The following DACH1 variants were observed in gnomAD, a reference collection of about 807,000 sequenced individuals.
The protein encoded by DACH1 is dachshund homolog 1.
A neutral mutation model predicts 54.2 loss-of-function variants in DACH1; 12 were observed. The observed-to-expected ratio is 0.22, with a 90% CI of 0.14 to 0.36. The LOEUF (loss-of-function observed/expected upper bound fraction) is 0.36, where lower values mean the gene tolerates loss of function less well. Ranked by LOEUF, DACH1 falls within the 10% of genes least tolerant of loss-of-function variation. The pLI is 1.00. For synonymous variants in DACH1, 386 were observed against 366.2 expected, an observed-to-expected ratio of 1.05 and a Z score of -0.62; for missense variants, 805 against 929.8, an observed-to-expected ratio of 0.87 and a Z score of 1.75.
rs77145652 is a variant in DACH1, at chr13:71,635,514, T to C, written c.965-4797A>G. Among the ~76,000 whole-genome samples the C allele has an allele frequency of 2.2e-3, 338 of 152,306 alleles. 2 individuals carry two copies. Among genetic ancestry groups the C allele is most frequent in the Non-Finnish European group, 2.9e-3 (199 of 68,018 alleles). The stretch of plus-strand genomic sequence containing the variant: ...AAAAACAACAACAAAAAAATTCATG[T>C]AATAAATTCACAAAATAACTTAAGT... On this transcript the variant is annotated intron_variant, in intron 2 of 10. Transcript: ENST00000613252.
chr13:71,744,349 C>T lies in DACH1; in HGVS notation c.849-62439G>A, dbSNP rs77409657. On this transcript the variant is annotated intron_variant, in intron 1 of 10. Transcript: ENST00000613252. The stretch of plus-strand genomic sequence containing the variant: ...CATCTTCTGCATTGGTTAGCTTATG[C>T]CTGATACGGTTCAAGAAAGACATAC... Among the ~76,000 whole-genome samples the T allele has an allele frequency of 6.5e-3, 992 of 152,260 alleles. 13 individuals are homozygous for T. Among genetic ancestry groups the T allele is most frequent in the African/African-American group, 0.023 (936 of 41,542 alleles).
At chr13:71,548,762 C>T (rs887762406) in intron 6 of DACH1, among the ~76,000 whole-genome samples, 13 of 151,878 alleles carry the variant, frequency 8.6e-5, no homozygotes, top group African/African-American at 2.9e-4. Context: ...ACTAAAAATA[C>T]AAAAAGTAGC....
In DACH1 at chr13:71,817,814, C is replaced by CTTT. The variant is rs34031888; in HGVS notation, c.848+48105_848+48107dup. On this transcript the variant is annotated intron_variant, in intron 1 of 10. Transcript: ENST00000613252. ...ATTTTCTTTCTTTCTTTCTTTCTTCCTTTTTTTTTTTTTTTTTTGAGACAG... is the reference window on the plus strand; with the variant it reads ...ATTTTCTTTCTTTCTTTCTTTCTTCCTTTTTTTTTTTTTTTTTTTTTGAGACAG... Among the ~76,000 whole-genome samples the CTTT allele has an allele frequency of 5.1e-4, 61 of 119,052 alleles. 2 individuals carry two copies. Among genetic ancestry groups the CTTT allele is most frequent in the African/African-American group, 7.8e-4 (24 of 30,934 alleles). The allele number at this position is 119,052 out of a possible 152,430, so 78.1% of individuals were successfully genotyped here. A position where few individuals can be genotyped will look rare whatever the true frequency, so the allele number is the denominator to read the frequency against.
chr13:71,619,596 C>T (rs1240466834), intron 3 of DACH1, among the ~76,000 whole-genome samples: 1 of 151,748 alleles, frequency 6.6e-6, no homozygotes, highest in Non-Finnish European at 1.5e-5. Flanking sequence ...AGTGAAAAGA[C>T]AGTAGATATA....
At chr13:71,488,183 A>G (rs1322570162) in intron 7 of DACH1, among the ~76,000 whole-genome samples, 1 of 152,308 alleles carries the variant, frequency 6.6e-6, no homozygotes, top group African/African-American at 2.4e-5. Flanking sequence ...ATGTTAGAGT[A>G]AAAGAATTTT....
At chr13:71,469,304 A>G (rs1876863916) in intron 10 of DACH1, among the ~76,000 whole-genome samples, 1 of 152,138 alleles carries the variant, frequency 6.6e-6, no homozygotes, top group South Asian at 2.1e-4. Flanking sequence ...TGTCTAAATG[A>G]AAGAAAATGT....
chr13:71,850,122 G>A (rs1329072930), intron 1 of DACH1, among the ~76,000 whole-genome samples: 1 of 152,144 alleles, frequency 6.6e-6, no homozygotes, highest in Non-Finnish European at 1.5e-5. Flanking sequence ...AGGATCTACA[G>A]CTCTCATAGG....
intron 3 of DACH1, among the ~76,000 whole-genome samples, chr13:71,594,198 T>A (rs955112570): frequency 4.6e-5 from 7 of 151,640 alleles, no homozygotes; most frequent in Admixed American, 6.6e-5. Flanking sequence ...GTCTTGGGAT[T>A]CTATCTGTAA....
chr13:71,523,590 T>A (rs567384084), intron 6 of DACH1, among the ~76,000 whole-genome samples: 1 of 152,234 alleles, frequency 6.6e-6, no homozygotes, highest in East Asian at 1.9e-4. Context: ...AAATTTAAAC[T>A]GTGGGTCCTT....
At chr13:71,808,401 T>C (rs1210932296) in intron 1 of DACH1, among the ~76,000 whole-genome samples, 1 of 152,150 alleles carries the variant, frequency 6.6e-6, no homozygotes, top group Non-Finnish European at 1.5e-5. Context: ...GTCTGCAGAA[T>C]TTCTACTACA....
At chr13:71,651,709 T>C (rs1878696198) in intron 2 of DACH1, among the ~76,000 whole-genome samples, 1 of 150,042 alleles carries the variant, frequency 6.7e-6, no homozygotes, top group Non-Finnish European at 1.5e-5. Context: ...TGTATATGTA[T>C]ATGTATATGT....
At chr13:71,735,453 G>C (rs1409854288) in intron 1 of DACH1, among the ~76,000 whole-genome samples, 1 of 42,140 alleles carries the variant, frequency 2.4e-5, no homozygotes, top group Non-Finnish European at 9.7e-5. Flanking sequence ...ACGTGTATAT[G>C]GGATATACAC....
chr13:71,508,107 A>G (rs948293459), intron 6 of DACH1, among the ~76,000 whole-genome samples: 1 of 152,172 alleles, frequency 6.6e-6, no homozygotes, highest in Non-Finnish European at 1.5e-5. Flanking sequence ...CAGGGTCATT[A>G]TGGAGGCACT....
rs144663791 is a variant in DACH1 at position 71,825,820 on chromosome 13, C to T, written c.848+40102G>A. Among the ~76,000 whole-genome samples, 27 of 151,960 alleles carry T rather than the reference C, an allele frequency of 1.8e-4. No homozygotes were observed. The East Asian group carries it at 2.7e-3, about 15-fold the overall frequency. ...TATTCAATATGTTTCTGATTGACAC[C>T]TAAAAAAGTCTAAAAATAAAGACAA... On this transcript the variant is annotated intron_variant, in intron 1 of 10. Transcript: ENST00000613252.
At chr13:71,527,650 C>T (rs1445678179) in intron 6 of DACH1, among the ~76,000 whole-genome samples, 1 of 152,162 alleles carries the variant, frequency 6.6e-6, no homozygotes, top group South Asian at 2.1e-4. Flanking sequence ...ACTGGGCCCT[C>T]ATAAATCTTG....
chr13:71,440,854 A>G (rs906933766), intron 10 of DACH1, among the ~76,000 whole-genome samples, 162 bp from the exon 11 acceptor site: 3 of 152,022 alleles, frequency 2.0e-5, no homozygotes, highest in South Asian at 2.1e-4. Context: ...AGTTAATTTC[A>G]TAATTACACT....
Position 71,572,880 on chromosome 13 carries a change from A to G in DACH1, c.1259T>C (p.Val420Ala). The G allele has an allele frequency of 6.2e-7, 1 of 1,613,988 alleles. No homozygotes were observed. The highest frequency in any genetic ancestry group is 8.5e-7 in the Non-Finnish European group (1 of 1,179,892). ...CTCAACTCTGGATGGGGGACTCTGA[A>G]CTTGTGCTGCTGCTGCCATATTTGC... ...TIANMAAAAQ[V>A]QSPPSRVETS... The change falls in exon 4 of 11, where the codon GTT becomes GCT. Residue 420 changes from valine (V) to alanine (A), a missense_variant. Val to Ala is a moderately conservative substitution (Grantham distance 64). Transcript: ENST00000613252.
intron 1 of DACH1, among the ~76,000 whole-genome samples, chr13:71,826,196 T>C (rs1217829382): frequency 1.3e-5 from 2 of 152,174 alleles, no homozygotes. Flanking sequence ...TTGCCAACTT[T>C]ATCATTTCTT....
intron 6 of DACH1, among the ~76,000 whole-genome samples, chr13:71,517,161 C>T (rs985153754): frequency 6.6e-6 from 1 of 151,776 alleles, no homozygotes; most frequent in Non-Finnish European, 1.5e-5. Context: ...GACTGGGTGA[C>T]TCAATGGATT....
Sources: gnomAD v4.1 joint callset for allele counts (sites outside exome capture counted in the v4.1 genomes callset) on GRCh38, gnomAD v4.1.1 for gene constraint, MANE v1.5 for transcripts, NCBI Gene and HGNC (gene_info 2026-07-23, HGNC 2026-07-21) for gene names.